The following SSPN variants were observed in gnomAD, a reference collection of about 807,000 sequenced individuals.
SSPN encodes the protein sarcospan.
In SSPN, 15 loss-of-function variants were observed where a neutral mutation model predicts 19.1. That is an observed-to-expected ratio of 0.78 (90% CI 0.52 to 1.21). The LOEUF is 1.21. SSPN is among the 50% of genes most tolerant of loss of function. The pLI is 0.00. For synonymous variants in SSPN, 147 were observed against 140.3 expected, an observed-to-expected ratio of 1.05 and a Z score of -0.34; for missense variants, 291 against 314.0, an observed-to-expected ratio of 0.93 and a Z score of 0.55.
intron 1 of SSPN, among the ~76,000 whole-genome samples, chr12:26,200,615 G>A (rs1263721784): frequency 6.6e-6 from 1 of 152,154 alleles, no homozygotes; most frequent in Non-Finnish European, 1.5e-5. Flanking sequence ...AGAGAGAAAG[G>A]TTTGGCATTA....
rs148387744 is a variant in SSPN at position 26,195,983 on chromosome 12, T to A, written c.279+32T>A. The A allele has an allele frequency of 4.3e-4, 617 of 1,437,796 alleles. 4 individuals are homozygous for A. In the African/African-American group the frequency reaches 7.8e-3, roughly 18 times the overall value. 89.1% of individuals were successfully genotyped at this position (1,437,796 alleles called of 1,614,324 possible). A position where few individuals can be genotyped will look rare whatever the true frequency, so the allele number is the denominator to read the frequency against. On this transcript the variant is annotated intron_variant, in intron 1 of 2. Coordinates refer to ENST00000242729, the MANE Select transcript of SSPN (RefSeq NM_005086.5). Reference sequence around the variant, plus strand: ...ATCAAGTCTGTTTTGCCTAAGCGCGTTTGCCAAACAGGAATGCGAAGTCGC... The same window carrying A: ...ATCAAGTCTGTTTTGCCTAAGCGCGATTGCCAAACAGGAATGCGAAGTCGC...
intron 1 of SSPN, among the ~76,000 whole-genome samples, chr12:26,164,142 G>T (rs974082404): frequency 1.3e-5 from 2 of 152,202 alleles, no homozygotes; most frequent in African/African-American, 4.8e-5. Flanking sequence ...ATAATCACCT[G>T]AACTGCAGAC....
chr12:26,184,369 T>C (rs889549495), intron 1 of SSPN, among the ~76,000 whole-genome samples: 1 of 152,186 alleles, frequency 6.6e-6, no homozygotes, highest in African/African-American at 2.4e-5. Context: ...ATGAAAACTA[T>C]CATATAAAAC....
intron 1 of SSPN, among the ~76,000 whole-genome samples, chr12:26,160,514 A>G (rs1944581297): frequency 6.6e-6 from 1 of 152,214 alleles, no homozygotes; most frequent in Non-Finnish European, 1.5e-5. Flanking sequence ...CTTTACATCA[A>G]ATGCTGTCAG....
intron 1 of SSPN, among the ~76,000 whole-genome samples, chr12:26,154,211 A>G (rs1424896063): frequency 6.6e-6 from 1 of 152,218 alleles, no homozygotes. Flanking sequence ...ATGTCAAAAG[A>G]TGACAGGGTT....
intron 1 of SSPN, among the ~76,000 whole-genome samples, chr12:26,196,738 T>C (rs904490664): frequency 3.9e-5 from 6 of 152,196 alleles, no homozygotes; most frequent in African/African-American, 1.4e-4. Context: ...TTATTTCTAA[T>C]CCCCACATCG....
Position 26,123,677 on chromosome 12 carries a change from G to T in SSPN, c.-31+1525G>T, listed in dbSNP as rs779322635. 42 of 1,614,144 alleles carry T rather than the reference G, an allele frequency of 2.6e-5. No homozygotes were observed. In the South Asian group the frequency reaches 4.2e-4, roughly 16 times the overall value. The stretch of plus-strand genomic sequence containing the variant: ...CTGATGCTGTTGCTCGGTTAAGGCG[G>T]TTAAAGCTTTTAAGTGTTTCAAAGT... On this transcript the variant is annotated intron_variant, in intron 1 of 2. Coordinates refer to the SSPN transcript ENST00000538142.
chr12:26,131,134 C>T (rs1383433731), intron 1 of SSPN, among the ~76,000 whole-genome samples: 3 of 152,134 alleles, frequency 2.0e-5, no homozygotes, highest in Non-Finnish European at 2.9e-5. Context: ...CTCTATTATG[C>T]CATATGAGTT....
At chr12:26,139,513 C>G (rs1441787513) in intron 1 of SSPN, among the ~76,000 whole-genome samples, 1 of 152,202 alleles carries the variant, frequency 6.6e-6, no homozygotes, top group African/African-American at 2.4e-5. Context: ...AACATTTTCT[C>G]TATCTCTTTT....
intron 1 of SSPN, among the ~76,000 whole-genome samples, chr12:26,155,567 T>C (rs1252182820): frequency 2.0e-5 from 3 of 152,094 alleles, no homozygotes; most frequent in African/African-American, 4.8e-5. Context: ...TGACCACTGG[T>C]TGGTTTTGTT....
chr12:26,195,641 G>GCTGGCCCCCCCCCCCCCC lies in SSPN; in HGVS notation c.-31_-30insTGGCCCCCCCCCCCCCCC. 1 of 1,105,402 alleles carries GCTGGCCCCCCCCCCCCCC rather than the reference G, an allele frequency of 9.0e-7. No homozygotes were observed. Among genetic ancestry groups the GCTGGCCCCCCCCCCCCCC allele is most frequent in the Non-Finnish European group, 1.1e-6 (1 of 878,120 alleles). 68.5% of individuals were successfully genotyped at this position (1,105,402 alleles called of 1,614,324 possible). A position where few individuals can be genotyped will look rare whatever the true frequency, so the allele number is the denominator to read the frequency against. On this transcript the variant is annotated 5_prime_UTR_variant, in exon 1 of 3. Coordinates refer to ENST00000242729, the MANE Select transcript of SSPN (RefSeq NM_005086.5). ...CTCCAGGGCCCAGGGCGCCGCACACGCACCCACCCACCCACCCAGCCTCGC... is the reference window on the plus strand; with the variant it reads ...CTCCAGGGCCCAGGGCGCCGCACACGCTGGCCCCCCCCCCCCCCCACCCACCCACCCACCCAGCCTCGC...
chr12:26,126,137 C>T (rs1342792825), intron 1 of SSPN: 2 of 152,230 alleles, frequency 1.3e-5, no homozygotes, highest in Non-Finnish European at 2.9e-5. Flanking sequence ...AGCCGCGGCG[C>T]TCGGCGCCGG....
At chr12:26,122,118 G>C (rs1201230068) in exon 1 of SSPN, 1 of 1,549,350 alleles carries the variant, frequency 6.5e-7, no homozygotes, top group South Asian at 1.2e-5. Context: ...AGAGCTCTCC[G>C]GGTTCCCCGG....
At chr12:26,161,050 G>C (rs1944585275) in intron 1 of SSPN, among the ~76,000 whole-genome samples, 1 of 146,994 alleles carries the variant, frequency 6.8e-6, no homozygotes, top group Non-Finnish European at 1.5e-5. Flanking sequence ...AGAGGTTGCA[G>C]TGAGCTGAGA....
intron 1 of SSPN, among the ~76,000 whole-genome samples, chr12:26,200,964 A>G (rs897255255): frequency 6.9e-6 from 1 of 145,218 alleles, no homozygotes; most frequent in African/African-American, 2.6e-5. Flanking sequence ...TAGTAAGTAT[A>G]AAAATGGAAT....
chr12:26,155,831 C>T (rs1257704064), intron 1 of SSPN, among the ~76,000 whole-genome samples: 1 of 152,138 alleles, frequency 6.6e-6, no homozygotes, highest in Non-Finnish European at 1.5e-5. Flanking sequence ...TGCGGTGAGC[C>T]CTGTTGTTAG....
chr12:26,161,923 C>G (rs1419807253), intron 1 of SSPN, among the ~76,000 whole-genome samples: 1 of 152,216 alleles, frequency 6.6e-6, no homozygotes, highest in Non-Finnish European at 1.5e-5. Flanking sequence ...TCACCAGCCG[C>G]TCACCCCATG....
In SSPN at chr12:26,234,495, A is replaced by G. The variant is rs932974066; in HGVS notation, c.*3419A>G. The G allele has an allele frequency of 6.6e-6, 1 of 152,228 alleles. No homozygotes were observed. Among genetic ancestry groups the G allele is most frequent in the Non-Finnish European group, 1.5e-5 (1 of 68,040 alleles). 9.4% of individuals were successfully genotyped at this position (152,228 alleles called of 1,614,324 possible). On this transcript the variant is annotated 3_prime_UTR_variant, in exon 3 of 3. Transcript: ENST00000242729. ...GAACTGATGGCAAATGTATTGACTC[A>G]CAGTGGAAACATTCATTTGGATGAA...
At chr12:26,203,609 A>C (rs1409193498) in intron 1 of SSPN, among the ~76,000 whole-genome samples, 2 of 152,184 alleles carry the variant, frequency 1.3e-5, no homozygotes, top group East Asian at 3.8e-4. Context: ...GAAGCAGCTC[A>C]CTCCATCACC....
Sources: allele counts gnomAD v4.1 joint callset (sites outside exome capture counted in the v4.1 genomes callset), GRCh38; gene constraint gnomAD v4.1.1; transcripts MANE v1.5; gene names NCBI Gene and HGNC (gene_info 2026-07-23, HGNC 2026-07-21).